Variants in HEG1 observed in about 807,000 individuals in gnomAD.
The protein encoded by HEG1 is protein HEG homolog 1.
In HEG1, 56 loss-of-function variants were observed where a neutral mutation model predicts 125.6. The ratio of observed to expected loss-of-function variants is 0.45; its 90% CI spans 0.36 to 0.56. The LOEUF is 0.56. HEG1 is among the 20% of genes least tolerant of loss of function. The probability of loss-of-function intolerance (pLI) is 0.00; values close to 1 mark genes in which losing one functional copy is unlikely to be tolerated. For missense variants in HEG1, 1,523 were observed against 1,670.0 expected (o/e 0.91, Z 1.53); for synonymous variants, 644 against 668.5 (o/e 0.96, Z 0.57).
intron 4 of HEG1, 33 bp from the exon 5 acceptor site, chr3:125,019,630 C>T (rs1340090077): frequency 6.4e-7 from 1 of 1,561,196 alleles, no homozygotes; most frequent in South Asian, 1.1e-5. Flanking sequence ...AAGGCCATTA[C>T]ATAGGTATGA....
intron 11 of HEG1, among the ~76,000 whole-genome samples, chr3:125,000,756 C>G (rs2107695689): frequency 6.6e-6 from 1 of 152,302 alleles, no homozygotes. Flanking sequence ...CCCAGGCCCA[C>G]TGGGAATGTC....
chr3:125,002,498 G>A (rs924520741), intron 9 of HEG1, among the ~76,000 whole-genome samples, 183 bp from the exon 10 acceptor site: 3 of 152,164 alleles, frequency 2.0e-5, no homozygotes, highest in Non-Finnish European at 4.4e-5. Context: ...GTTGTTCCAT[G>A]AGTACAAAGA....
chr3:124,974,415 C>A (rs1020945365), intron 15 of HEG1, among the ~76,000 whole-genome samples: 2 of 152,086 alleles, frequency 1.3e-5, no homozygotes, highest in Admixed American at 1.3e-4. Flanking sequence ...AGTAAAGAGA[C>A]CTGACTTGTC....
chr3:125,050,423 C>T (rs1205238739), intron 1 of HEG1, among the ~76,000 whole-genome samples: 2 of 152,278 alleles, frequency 1.3e-5, no homozygotes, highest in South Asian at 2.1e-4. Flanking sequence ...AGATTACAGG[C>T]GTGAGCCATC....
chr3:125,015,059 C>A, intron 5 of HEG1: 2 of 1,184,112 alleles, frequency 1.7e-6, no homozygotes, highest in Non-Finnish European at 1.1e-6. Flanking sequence ...AGGGCTGGAG[C>A]GACAGGATCG....
chr3:125,016,114 C>A (rs1417391541), intron 5 of HEG1, among the ~76,000 whole-genome samples: 1 of 152,170 alleles, frequency 6.6e-6, no homozygotes, highest in African/African-American at 2.4e-5. Context: ...AGAAAAAGGT[C>A]TTGGATGGGG....
At chr3:124,982,898 T>C (rs1936677419) in intron 14 of HEG1, among the ~76,000 whole-genome samples, 1 of 152,150 alleles carries the variant, frequency 6.6e-6, no homozygotes, top group Non-Finnish European at 1.5e-5. Flanking sequence ...ACTTTCACAA[T>C]TGCTGAGCTA....
At chr3:125,048,093 G>A (rs1937705817) in intron 1 of HEG1, among the ~76,000 whole-genome samples, 1 of 152,136 alleles carries the variant, frequency 6.6e-6, no homozygotes, top group South Asian at 2.1e-4. Flanking sequence ...CCCAGGAATT[G>A]GGATTGAAGT....
At chr3:124,983,208 A>C (rs1936682463) in intron 14 of HEG1, among the ~76,000 whole-genome samples, 1 of 152,216 alleles carries the variant, frequency 6.6e-6, no homozygotes, top group African/African-American at 2.4e-5. Context: ...CCTTCCTTTA[A>C]GATTCTTGAA....
chr3:125,027,062 C>T (rs1207010492), intron 3 of HEG1, 143 bp downstream of exon 3: 1 of 680,294 alleles, frequency 1.5e-6, no homozygotes, highest in East Asian at 2.7e-5. Context: ...ACTCCAAGTA[C>T]CTGGCATTAG....
chr3:124,998,286 C>T (rs1409745516), intron 11 of HEG1, among the ~76,000 whole-genome samples: 2 of 152,222 alleles, frequency 1.3e-5, no homozygotes, highest in Non-Finnish European at 2.9e-5. Flanking sequence ...AGTGGAAGTA[C>T]ATCTCAGCTC....
chr3:125,038,905 T>G (rs868806604), intron 1 of HEG1, among the ~76,000 whole-genome samples: 5 of 152,140 alleles, frequency 3.3e-5, no homozygotes, highest in Non-Finnish European at 7.4e-5. Context: ...CAGACATTCA[T>G]GGGGTGGGAG....
intron 1 of HEG1, among the ~76,000 whole-genome samples, chr3:125,046,361 T>C (rs1051692171): frequency 6.6e-6 from 1 of 151,142 alleles, no homozygotes; most frequent in African/African-American, 2.4e-5. Flanking sequence ...ACTTTTCTTT[T>C]TTCATATATA....
intron 14 of HEG1, among the ~76,000 whole-genome samples, chr3:124,987,412 CTCTT>C (rs944851651): frequency 4.6e-5 from 7 of 152,086 alleles, no homozygotes; most frequent in African/African-American, 7.3e-5. Flanking sequence ...CACTGGCTCT[CTCTT>C]TCTCTGCCAT....
chr3:125,046,430 CACACAT>C lies in HEG1; in HGVS notation c.316+9139_316+9144del, dbSNP rs757814425. ...ACACACACACACACACACACACACA[CACACAT>C]ATATATTTTTTTAATTATACAGATG... On this transcript the variant is annotated intron_variant, in intron 1 of 16. Transcript: ENST00000311127. Among the ~76,000 whole-genome samples the C allele has an allele frequency of 3.7e-3, 338 of 92,546 alleles. 3 individuals are homozygous for C. Among genetic ancestry groups the C allele is most frequent in the African/African-American group, 0.014 (220 of 16,180 alleles). 60.7% of individuals were successfully genotyped at this position (92,546 alleles called of 152,430 possible). A position where few individuals can be genotyped will look rare whatever the true frequency, so the allele number is the denominator to read the frequency against.
intron 5 of HEG1, among the ~76,000 whole-genome samples, chr3:125,019,013 C>G (rs964645416): frequency 6.6e-6 from 1 of 152,000 alleles, no homozygotes; most frequent in African/African-American, 2.4e-5. Flanking sequence ...ATTACAGGTG[C>G]CTGCCATCAC....
intron 12 of HEG1, among the ~76,000 whole-genome samples, chr3:124,996,186 G>A (rs1443815172): frequency 6.6e-6 from 1 of 151,984 alleles, no homozygotes; most frequent in Non-Finnish European, 1.5e-5. Context: ...CCGGGTTCAA[G>A]CGATTCTCCT....
In HEG1 at chr3:125,002,174, C is replaced by T. The variant is rs1265819209; in HGVS notation, c.3356+83G>A. On this transcript the variant is annotated intron_variant, in intron 10 of 16. Coordinates refer to ENST00000311127, the MANE Select transcript of HEG1 (RefSeq NM_020733.2). ...GCCCCATGGCTGGGTGAAAACAGCC[C>T]GGTTTTGTTGCTATCACCCATGTTA... The T allele has an allele frequency of 2.1e-5, 32 of 1,507,076 alleles. No homozygotes were observed. In the Admixed American group the frequency reaches 3.1e-4, roughly 15 times the overall value. 93.4% of individuals were successfully genotyped at this position (1,507,076 alleles called of 1,614,324 possible).
intron 14 of HEG1, among the ~76,000 whole-genome samples, 192 bp from the exon 15 acceptor site, chr3:124,978,138 T>TTTG (rs372895441): frequency 2.2e-4 from 33 of 152,098 alleles, no homozygotes; most frequent in African/African-American, 3.6e-4. Flanking sequence ...AGAAGAGTTT[T>TTTG]TTGTTGTTGT....
Sources: allele counts gnomAD v4.1 joint callset (sites outside exome capture counted in the v4.1 genomes callset), GRCh38; gene constraint gnomAD v4.1.1; transcripts MANE v1.5; gene names NCBI Gene and HGNC (gene_info 2026-07-23, HGNC 2026-07-21).